GUCY1B1: variants seen among roughly 807,000 people sequenced by gnomAD.
The protein encoded by GUCY1B1 is guanylate cyclase soluble subunit beta-1.
Under a neutral mutation model 71.0 loss-of-function variants are expected in GUCY1B1, and 43 were observed. That is an observed-to-expected ratio of 0.61 (90% CI 0.47 to 0.78). GUCY1B1 has a LOEUF of 0.78. GUCY1B1 is among the 30% of genes least tolerant of loss of function. The pLI, the probability that GUCY1B1 is intolerant of heterozygous loss-of-function variation, is 0.00. For missense variants in GUCY1B1, 535 were observed against 754.1 expected (o/e 0.71, Z 3.40); for synonymous variants, 266 against 259.7 (o/e 1.02, Z -0.23).
intron 11 of GUCY1B1, among the ~76,000 whole-genome samples, 159 bp from the exon 12 acceptor site, chr4:155,804,434 A>G (rs1023994635): frequency 6.6e-6 from 1 of 152,032 alleles, no homozygotes; most frequent in Admixed American, 6.6e-5. Context: ...AACCTAGATA[A>G]TGGGTTGATA....
intron 8 of GUCY1B1, among the ~76,000 whole-genome samples, chr4:155,798,173 C>T (rs554623813): frequency 6.6e-6 from 1 of 152,126 alleles, no homozygotes; most frequent in East Asian, 1.9e-4. Context: ...GAGACATGCT[C>T]AGGTGTGTAG....
intron 11 of GUCY1B1, 35 bp downstream of exon 11, chr4:155,803,799 T>C (rs1469002797): frequency 7.1e-7 from 1 of 1,401,944 alleles, no homozygotes; most frequent in East Asian, 2.5e-5. Context: ...AATAATGGTA[T>C]GTAAACCTTT....
chr4:155,801,721 G>A (rs1173428108), intron 9 of GUCY1B1, among the ~76,000 whole-genome samples: 1 of 152,090 alleles, frequency 6.6e-6, no homozygotes. Flanking sequence ...CTCCTCCTGT[G>A]TGCTCACATT....
chr4:155,793,157 C>T (rs990030216), intron 5 of GUCY1B1, among the ~76,000 whole-genome samples: 21 of 152,080 alleles, frequency 1.4e-4, no homozygotes, highest in African/African-American at 4.6e-4. Context: ...CTCACTACAA[C>T]CTCTGCCTCC....
intron 9 of GUCY1B1, among the ~76,000 whole-genome samples, chr4:155,801,585 T>C (rs1245462113): frequency 6.6e-6 from 1 of 152,310 alleles, no homozygotes; most frequent in Admixed American, 6.5e-5. Flanking sequence ...ATATGCCCTT[T>C]TGCTTTAGAG....
At chr4:155,794,209 A>C (rs542610155) in intron 6 of GUCY1B1, 123 bp downstream of exon 6, 2 of 575,206 alleles carry the variant, frequency 3.5e-6, no homozygotes, top group African/African-American at 3.7e-5. Flanking sequence ...AGTTTATTGT[A>C]AGTTACACAA....
At chr4:155,785,207 T>C in intron 4 of GUCY1B1, 1 of 684,474 alleles carries the variant, frequency 1.5e-6, no homozygotes, top group Non-Finnish European at 2.5e-6. Context: ...GATATCAAAA[T>C]AGATGAATGG....
intron 2 of GUCY1B1, among the ~76,000 whole-genome samples, chr4:155,767,373 G>A (rs1737408625): frequency 6.6e-6 from 1 of 152,120 alleles, no homozygotes; most frequent in Non-Finnish European, 1.5e-5. Flanking sequence ...TGGCTCAGCA[G>A]CTCAAATGAA....
chr4:155,766,213 A>T (rs1737323328), intron 2 of GUCY1B1, among the ~76,000 whole-genome samples: 1 of 152,196 alleles, frequency 6.6e-6, no homozygotes, highest in Non-Finnish European at 1.5e-5. Context: ...TGCAACCAGA[A>T]TTTATGTCAG....
chr4:155,777,447 C>T (rs190641393), intron 3 of GUCY1B1, 77 bp from the exon 4 acceptor site: 708 of 807,736 alleles, frequency 8.8e-4, no homozygotes, highest in Admixed American at 2.5e-3. Context: ...ACTTAATAAA[C>T]ACTTATCTTC....
At chr4:155,804,822 G>C in intron 12 of GUCY1B1, 75 bp downstream of exon 12, 2 of 1,348,244 alleles carry the variant, frequency 1.5e-6, no homozygotes, top group Non-Finnish European at 1.0e-6. Context: ...TTCTCTGAGA[G>C]ATTTTGTTGC....
intron 2 of GUCY1B1, among the ~76,000 whole-genome samples, chr4:155,771,082 TA>T (rs1222506208): frequency 6.6e-6 from 1 of 152,122 alleles, no homozygotes; most frequent in African/African-American, 2.4e-5. Context: ...ATATTTGTGG[TA>T]AAACTGTTCC....
chr4:155,786,461 CTTTTTTTTTTTTT>C (rs70954058), intron 4 of GUCY1B1, among the ~76,000 whole-genome samples: 21 of 37,158 alleles, frequency 5.7e-4, no homozygotes, highest in African/African-American at 2.4e-3. Flanking sequence ...TTCTTTCTTT[CTTTTTTTTTTTTT>C]TTTTTTTTTT....
rs28578727 is a variant in GUCY1B1 at position 155,804,561 on chromosome 4, A to G, written c.1555-32A>G. ...AAAAAAATTCATGTGTTAGTGATCA[A>G]AATGATTGAAGCAAAGCTTTCTTTT... On this transcript the variant is annotated intron_variant, in intron 11 of 13. Coordinates refer to ENST00000264424, the MANE Select transcript of GUCY1B1 (RefSeq NM_000857.5). 2.6e-3 allele frequency: 4,105 copies of G among 1,573,036 alleles called. 89 individuals carry two copies. The African/African-American group carries it at 0.05, about 19-fold the overall frequency.
At chr4:155,791,135 GAC>G (rs1047104679) in intron 5 of GUCY1B1, among the ~76,000 whole-genome samples, 1 of 146,484 alleles carries the variant, frequency 6.8e-6, no homozygotes, top group African/African-American at 2.6e-5. Flanking sequence ...TTTTTTTTGA[GAC>G]AGAGTCTCAC....
intron 1 of GUCY1B1, 98 bp downstream of exon 1, chr4:155,759,241 C>T (rs1736774393): frequency 5.6e-6 from 7 of 1,255,478 alleles, no homozygotes; most frequent in Non-Finnish European, 5.5e-6. Context: ...GGCTCGGGGG[C>T]CCTGGGCGCT....
intron 6 of GUCY1B1, 117 bp downstream of exon 6, chr4:155,794,203 T>C: frequency 1.7e-6 from 1 of 586,756 alleles, no homozygotes. Flanking sequence ...ATATGCAGTT[T>C]ATTGTAAGTT....
intron 8 of GUCY1B1, among the ~76,000 whole-genome samples, chr4:155,798,175 G>A (rs1309292031): frequency 6.6e-6 from 1 of 152,170 alleles, no homozygotes; most frequent in African/African-American, 2.4e-5. Context: ...GACATGCTCA[G>A]GTGTGTAGGA....
At chr4:155,797,969 T>C (rs1433700071) in intron 8 of GUCY1B1, among the ~76,000 whole-genome samples, 1 of 152,178 alleles carries the variant, frequency 6.6e-6, no homozygotes, top group East Asian at 1.9e-4. Flanking sequence ...TCCCATCTGC[T>C]ATCAGTAAGT....
Sources: gnomAD v4.1 joint callset for allele counts (sites outside exome capture counted in the v4.1 genomes callset) on GRCh38, gnomAD v4.1.1 for gene constraint, MANE v1.5 for transcripts, NCBI Gene and HGNC (gene_info 2026-07-23, HGNC 2026-07-21) for gene names.